LYST: variants seen among roughly 807,000 people sequenced by gnomAD.
The protein encoded by LYST is lysosomal trafficking regulator.
LYST carries 192 observed loss-of-function variants against 413.6 expected under a neutral mutation model. That is an observed-to-expected ratio of 0.46 (90% CI 0.41 to 0.52). The LOEUF (loss-of-function observed/expected upper bound fraction) is 0.52, where lower values mean the gene tolerates loss of function less well. Among genes scored for constraint, LYST ranks in the 20% least tolerant of loss-of-function variants. The probability of loss-of-function intolerance (pLI) is 0.00; values close to 1 mark genes in which losing one functional copy is unlikely to be tolerated. For synonymous variants in LYST, 1,525 were observed against 1,567.3 expected (o/e 0.97, Z 0.64); for missense variants, 3,815 against 4,499.9 (o/e 0.85, Z 4.35).
intron 42 of LYST, 100 bp downstream of exon 42, chr1:235,715,101 G>A: frequency 1.9e-6 from 2 of 1,078,424 alleles, no homozygotes; most frequent in Non-Finnish European, 2.8e-6. Flanking sequence ...AGTTTGATTA[G>A]TCTTAATAGT....
At position 235,872,094 on chromosome 1, in the gene LYST, G is replaced by A. The variant is rs548101902; in HGVS notation, n.454+11093C>T. 4.6e-5 allele frequency among the ~76,000 whole-genome samples: 7 copies of A among 152,202 alleles called. No individual in the cohort carries two copies. The South Asian group carries it at 1.5e-3, about 32-fold the overall frequency. On this transcript the variant is annotated intron_variant and non_coding_transcript_variant, in intron 1 of 11. Transcript: ENST00000465349. ...GTGGATCACCGGAAGTCAGGAGTTC[G>A]TGACCAGCCTGGCCAATGTGGCGAA...
Position 235,804,671 on chromosome 1 carries a change from G to A in LYST, c.3394-6C>T. The A allele has an allele frequency of 1.3e-6, 2 of 1,562,398 alleles. No homozygotes were observed. The highest frequency in any genetic ancestry group is 1.1e-5 in the South Asian group (1 of 89,936). On this transcript the variant is annotated splice_polypyrimidine_tract_variant and splice_region_variant and intron_variant, in intron 6 of 52. Transcript: ENST00000389793. ...ATACTTTCCACAGACAAGTTCTAAG[G>A]TAAAATAAAAGAGACTAAGAATATT...
chr1:235,848,323 C>A (rs976602952), intron 1 of LYST, among the ~76,000 whole-genome samples: 9 of 152,096 alleles, frequency 5.9e-5, no homozygotes, highest in African/African-American at 1.4e-4. Context: ...TTAAAAAATT[C>A]TTCGAACTGA....
intron 1 of LYST, among the ~76,000 whole-genome samples, chr1:235,863,810 A>G (rs969666197): frequency 6.6e-6 from 1 of 152,224 alleles, no homozygotes; most frequent in Admixed American, 6.5e-5. Context: ...GTTTACTACT[A>G]ATAATCTCAG....
chr1:235,812,311 C>G (rs1288303270), intron 4 of LYST, among the ~76,000 whole-genome samples: 1 of 151,884 alleles, frequency 6.6e-6, no homozygotes, highest in Non-Finnish European at 1.5e-5. Context: ...TGAGACCAGC[C>G]TGGCCAACAT....
chr1:235,791,280 CA>C (rs200787319), intron 12 of LYST, among the ~76,000 whole-genome samples: 2 of 148,716 alleles, frequency 1.3e-5, no homozygotes, highest in Admixed American at 1.3e-4. Context: ...GAAACTGTCT[CA>C]AAAAAAAAGA....
At chr1:235,743,788 T>A (rs1157660252) in intron 30 of LYST, among the ~76,000 whole-genome samples, 191 bp downstream of exon 30, 4 of 152,158 alleles carry the variant, frequency 2.6e-5, no homozygotes, top group African/African-American at 9.7e-5. Context: ...GCTTCATGAG[T>A]TGAGTCATTT....
chr1:235,773,378 G>A (rs1441434289), intron 19 of LYST, among the ~76,000 whole-genome samples: 1 of 151,986 alleles, frequency 6.6e-6, no homozygotes, highest in Non-Finnish European at 1.5e-5. Flanking sequence ...TCTATTCACG[G>A]TAGCTAAAAT....
At chr1:235,836,583 G>A (rs1223600354) in intron 1 of LYST, among the ~76,000 whole-genome samples, 1 of 152,122 alleles carries the variant, frequency 6.6e-6, no homozygotes, top group East Asian at 1.9e-4. Context: ...AGTGCAAGAG[G>A]ACAAGAGGTA....
Position 235,751,351 on chromosome 1 carries a change from C to T in LYST, c.7639G>A (p.Ala2547Thr), listed in dbSNP as rs746118990. The change falls in exon 28 of 53, where the codon GCA (alanine) becomes ACA (threonine). Residue 2547 changes from alanine (A) to threonine (T), a missense_variant. This residue lies in a region of LYST where 771 missense variants were observed against 837.1 expected (regional missense o/e 0.92). Coordinates refer to ENST00000389793, the MANE Select transcript of LYST (RefSeq NM_000081.4). ...GCCTGGAGAACTCTAAGCTGTAGTG[C>T]AACAGCCATATCTAAAAACAGAAGA... is the stretch of plus-strand genomic sequence containing the variant. ...KNKRTQNMAVALQLRVLQAAM... is the reference protein window; with the variant it reads ...KNKRTQNMAVTLQLRVLQAAM... 46 of 1,613,190 alleles carry T rather than the reference C, an allele frequency of 2.9e-5. 3 individuals are homozygous for T. The South Asian group carries it at 4.9e-4, about 17-fold the overall frequency.
intron 47 of LYST, among the ~76,000 whole-genome samples, chr1:235,687,922 T>C (rs1660343138): frequency 6.6e-6 from 1 of 152,240 alleles, no homozygotes; most frequent in Non-Finnish European, 1.5e-5. Context: ...TCTTGCTGGC[T>C]TCCCCCCTTG....
intron 31 of LYST, chr1:235,737,921 G>GATGTGTA: frequency 9.3e-6 from 11 of 1,176,872 alleles, no homozygotes; most frequent in Admixed American, 4.2e-5. Context: ...CGACGAGTCT[G>GATGTGTA]GATCTCACTG....
At chr1:235,797,823 A>T (rs958324899) in intron 10 of LYST, among the ~76,000 whole-genome samples, 1 of 152,182 alleles carries the variant, frequency 6.6e-6, no homozygotes, top group Non-Finnish European at 1.5e-5. Context: ...TACTATCAAC[A>T]AGTAAAAACA....
chr1:235,874,409 C>G (rs10926956), intron 1 of LYST, among the ~76,000 whole-genome samples: 60,161 of 151,948 alleles, frequency 0.4, 12,454 homozygotes, highest in African/African-American at 0.43. Context: ...GTTATGGCAA[C>G]ATTGTGCGTA....
At chr1:235,706,606 G>A (rs1243198471) in intron 44 of LYST, among the ~76,000 whole-genome samples, 1 of 151,922 alleles carries the variant, frequency 6.6e-6, no homozygotes, top group Non-Finnish European at 1.5e-5. Context: ...CTTTGTTTTT[G>A]TTATTTTGCA....
At position 235,809,658 on chromosome 1, in the gene LYST, T is replaced by C; in HGVS notation, c.1160A>G (p.Glu387Gly). ...ACGATACTTTGAAAACACAAAATCT[T>C]CCTGAACCTCCTGCAGTGTTTTCTT... ...RQKKTLQEVQ[E>G]DFVFSKYRHR... The change falls in exon 5 of 53, where the codon GAA becomes GGA. Residue 387 changes from glutamate (E) to glycine (G), a missense_variant. This residue lies in a region of LYST where 1,648 missense variants were observed against 1,810.3 expected (regional missense o/e 0.91). Coordinates refer to ENST00000389793, the MANE Select transcript of LYST (RefSeq NM_000081.4). This position sits in a 1 kb window ranked among gnomAD's most constrained non-coding sequence, Gnocchi z 4.0. The C allele has an allele frequency of 6.2e-7, 1 of 1,613,992 alleles. No homozygotes were observed. Among genetic ancestry groups the C allele is most frequent in the Non-Finnish European group, 8.5e-7 (1 of 1,179,964 alleles).
At position 235,715,185 on chromosome 1, in the gene LYST, G is replaced by C. The variant is rs1172487042; in HGVS notation, c.9784+16C>G. On this transcript the variant is annotated intron_variant, in intron 42 of 52. Coordinates refer to ENST00000389793, the MANE Select transcript of LYST (RefSeq NM_000081.4). ...ATGACCCAACATGACTTTTTAGGCA[G>C]TTATTAAATTCTTACCTTGATAGGC... The C allele has an allele frequency of 3.7e-6, 6 of 1,610,794 alleles. No homozygotes were observed. The Admixed American group carries it at 6.7e-5, about 18-fold the overall frequency.
intron 48 of LYST, among the ~76,000 whole-genome samples, chr1:235,684,945 C>G (rs1391615472): frequency 6.6e-6 from 1 of 152,024 alleles, no homozygotes; most frequent in Non-Finnish European, 1.5e-5. Context: ...CTTTAGCATT[C>G]TTTTTATCAT....
intron 29 of LYST, among the ~76,000 whole-genome samples, chr1:235,745,057 T>C (rs114582553): frequency 0.074 from 11,264 of 152,246 alleles, 547 homozygotes; most frequent in Middle Eastern, 0.12. Flanking sequence ...CATTTTGACT[T>C]ATCTATAGTG....
Sources: gnomAD v4.1 joint callset for allele counts (sites outside exome capture counted in the v4.1 genomes callset) on GRCh38, gnomAD v4.1.1 for gene constraint, gnomAD v4.1.1 regional missense constraint, Gnocchi (gnomAD v3.1) non-coding constraint, MANE v1.5 for transcripts, NCBI Gene and HGNC (gene_info 2026-07-23, HGNC 2026-07-21) for gene names.